DYNC1I1: variants seen among roughly 807,000 people sequenced by gnomAD.
The protein encoded by DYNC1I1 is dynein cytoplasmic 1 intermediate chain 1.
Under a neutral mutation model 86.6 loss-of-function variants are expected in DYNC1I1, and 43 were observed. That is an observed-to-expected ratio of 0.50 (90% confidence interval 0.39 to 0.64). DYNC1I1 has a LOEUF of 0.64. Ranked by LOEUF, DYNC1I1 falls within the 30% of genes least tolerant of loss-of-function variation. The probability of loss-of-function intolerance (pLI) is 0.00; values close to 1 mark genes in which losing one functional copy is unlikely to be tolerated. For missense variants in DYNC1I1, 604 were observed against 788.8 expected (o/e 0.77, Z 2.81); for synonymous variants, 262 against 283.7 (o/e 0.92, Z 0.77).
At chr7:95,928,769 A>C (rs1791812119) in intron 6 of DYNC1I1, among the ~76,000 whole-genome samples, 1 of 152,188 alleles carries the variant, frequency 6.6e-6, no homozygotes, top group South Asian at 2.1e-4. Flanking sequence ...AGCTTCACTA[A>C]GCCTCAGTTT....
At chr7:95,785,775 G>GTGTGTGTATA (rs1317168531) in intron 1 of DYNC1I1, among the ~76,000 whole-genome samples, 28 of 124,886 alleles carry the variant, frequency 2.2e-4, no homozygotes, top group Non-Finnish European at 4.3e-4. Flanking sequence ...GTGTGTATGT[G>GTGTGTGTATA]TATATATATA....
chr7:96,034,988 G>A (rs1489423060), intron 12 of DYNC1I1, among the ~76,000 whole-genome samples: 1 of 152,036 alleles, frequency 6.6e-6, no homozygotes, highest in Non-Finnish European at 1.5e-5. Context: ...TTTAAGATTA[G>A]GAATCTTTAA....
intron 14 of DYNC1I1, among the ~76,000 whole-genome samples, chr7:96,071,003 CTGA>C (rs1421280351): frequency 2.6e-5 from 4 of 152,084 alleles, no homozygotes; most frequent in Non-Finnish European, 4.4e-5. Context: ...TTGTAAAACA[CTGA>C]TGAATGCTGT....
intron 1 of DYNC1I1, among the ~76,000 whole-genome samples, chr7:95,790,971 G>A (rs1467449914): frequency 2.6e-5 from 4 of 152,126 alleles, no homozygotes; most frequent in African/African-American, 7.2e-5. Context: ...AAATTCATAC[G>A]TATTTTGTAG....
chr7:95,826,650 A>G (rs1001471353), intron 4 of DYNC1I1, among the ~76,000 whole-genome samples: 1 of 152,212 alleles, frequency 6.6e-6, no homozygotes, highest in Non-Finnish European at 1.5e-5. Context: ...ATACAAGAAA[A>G]TCATAGGTAA....
intron 6 of DYNC1I1, among the ~76,000 whole-genome samples, chr7:95,955,810 T>C (rs996423179): frequency 1.3e-5 from 2 of 152,210 alleles, no homozygotes; most frequent in Non-Finnish European, 2.9e-5. Context: ...ACAGTAGTTT[T>C]CTCATTCACT....
At chr7:95,946,619 A>T (rs1281809193) in intron 6 of DYNC1I1, among the ~76,000 whole-genome samples, 1 of 152,174 alleles carries the variant, frequency 6.6e-6, no homozygotes, top group African/African-American at 2.4e-5. Flanking sequence ...ACCATTTTAA[A>T]ATAAATTTGG....
At chr7:95,999,132 G>A (rs1793949200) in intron 10 of DYNC1I1, among the ~76,000 whole-genome samples, 2 of 152,126 alleles carry the variant, frequency 1.3e-5, no homozygotes, top group Non-Finnish European at 2.9e-5. Flanking sequence ...ACACACTCTG[G>A]CAGTGCTCCT....
chr7:96,001,075 T>C (rs1308020604), intron 10 of DYNC1I1, among the ~76,000 whole-genome samples: 1 of 152,224 alleles, frequency 6.6e-6, no homozygotes, highest in African/African-American at 2.4e-5. Flanking sequence ...ATCCCGTTAA[T>C]GTGCACACAT....
At chr7:95,995,234 G>A (rs992446811) in intron 9 of DYNC1I1, among the ~76,000 whole-genome samples, 1 of 141,490 alleles carries the variant, frequency 7.1e-6, no homozygotes, top group African/African-American at 2.7e-5. Flanking sequence ...GCAACAGAGC[G>A]AGACTCCATC....
chr7:96,033,152 T>C (rs796515030), intron 12 of DYNC1I1, among the ~76,000 whole-genome samples: 3 of 152,306 alleles, frequency 2.0e-5, no homozygotes, highest in African/African-American at 7.2e-5. Flanking sequence ...GGTACTTGCA[T>C]TGGAGGGAAG....
Position 95,978,692 on chromosome 7 carries a change from C to G in DYNC1I1, c.580+1091C>G, listed in dbSNP as rs1793372800. Among the ~76,000 whole-genome samples, 7 of 152,246 alleles carry G rather than the reference C, an allele frequency of 4.6e-5. No homozygotes were observed. In the South Asian group the frequency reaches 1.5e-3, roughly 32 times the overall value. On this transcript the variant is annotated intron_variant, in intron 7 of 16. Transcript: ENST00000447467. ...CTGGGGTCTTTGTAGGAATTGATAC[C>G]TACTGATCCCAAGTACTCACTTCAA...
chr7:95,803,344 C>T (rs913123524), intron 1 of DYNC1I1, among the ~76,000 whole-genome samples: 4 of 152,162 alleles, frequency 2.6e-5, no homozygotes, highest in African/African-American at 9.7e-5. Context: ...ATCTTTGTAT[C>T]CCTATTCATT....
chr7:95,817,802 A>G (rs1313518646), intron 4 of DYNC1I1, among the ~76,000 whole-genome samples: 1 of 152,176 alleles, frequency 6.6e-6, no homozygotes, highest in African/African-American at 2.4e-5. Flanking sequence ...TCTAAGTGAA[A>G]ATCATTCAGC....
At chr7:95,958,734 C>G (rs949366587) in intron 6 of DYNC1I1, among the ~76,000 whole-genome samples, 3 of 152,126 alleles carry the variant, frequency 2.0e-5, no homozygotes, top group African/African-American at 7.2e-5. Context: ...TGTAGAGAAT[C>G]TGAAGATAAA....
chr7:95,813,754 T>G (rs1794886064), intron 4 of DYNC1I1, among the ~76,000 whole-genome samples: 1 of 152,204 alleles, frequency 6.6e-6, no homozygotes, highest in African/African-American at 2.4e-5. Context: ...CTAAATTTAA[T>G]TTTTCAAGTG....
intron 14 of DYNC1I1, among the ~76,000 whole-genome samples, chr7:96,058,800 ATT>A (rs35348142): frequency 9.1e-5 from 9 of 98,744 alleles, no homozygotes; most frequent in Admixed American, 1.2e-4. Context: ...TGCCTGGCTA[ATT>A]TTTTTTTTTT....
At chr7:95,812,323 G>T (rs762267200) in intron 3 of DYNC1I1, among the ~76,000 whole-genome samples, 1 of 152,162 alleles carries the variant, frequency 6.6e-6, no homozygotes, top group Non-Finnish European at 1.5e-5. Flanking sequence ...CCGTTGAATT[G>T]CCTGGCCTGG....
intron 5 of DYNC1I1, among the ~76,000 whole-genome samples, chr7:95,852,098 A>G (rs1408342662): frequency 1.3e-5 from 2 of 152,116 alleles, no homozygotes; most frequent in Non-Finnish European, 2.9e-5. Context: ...TCTTCTTTAA[A>G]TGTTTGTTAC....
Sources: gnomAD v4.1 joint callset for allele counts (sites outside exome capture counted in the v4.1 genomes callset) on GRCh38, gnomAD v4.1.1 for gene constraint, MANE v1.5 for transcripts, NCBI Gene and HGNC (gene_info 2026-07-23, HGNC 2026-07-21) for gene names.